Variants in AKT3 observed in about 807,000 individuals in gnomAD.
The protein encoded by AKT3 is AKT serine/threonine kinase 3.
In AKT3, 15 loss-of-function variants were observed where a neutral mutation model predicts 65.3. The ratio of observed to expected loss-of-function variants is 0.23; its 90% CI spans 0.15 to 0.35. The LOEUF is 0.35. Among genes scored for constraint, AKT3 ranks in the 10% least tolerant of loss-of-function variants. The probability of loss-of-function intolerance (pLI) is 1.00; values close to 1 mark genes in which losing one functional copy is unlikely to be tolerated. For missense variants in AKT3, 243 were observed against 576.5 expected, an observed-to-expected ratio of 0.42 and a Z score of 5.92; for synonymous variants, 206 against 183.8, an observed-to-expected ratio of 1.12 and a Z score of -0.98.
intron 12 of AKT3, among the ~76,000 whole-genome samples, chr1:243,516,478 T>C (rs1011022958): frequency 1.6e-4 from 25 of 152,250 alleles, no homozygotes; most frequent in Non-Finnish European, 2.9e-4. Flanking sequence ...ATTTCATTGA[T>C]TGCTATCCCA....
At chr1:243,713,170 C>A (rs973166642) in intron 2 of AKT3, among the ~76,000 whole-genome samples, 1 of 152,174 alleles carries the variant, frequency 6.6e-6, no homozygotes, top group African/African-American at 2.4e-5. Flanking sequence ...TAAGATCACA[C>A]CAAATCACCT....
At chr1:243,615,068 T>C (rs1244605958) in intron 7 of AKT3, 28 bp downstream of exon 7, 1 of 1,464,230 alleles carries the variant, frequency 6.8e-7, no homozygotes, top group Non-Finnish European at 9.4e-7. Flanking sequence ...AATGTTACGA[T>C]TATAACATCT....
intron 3 of AKT3, among the ~76,000 whole-genome samples, chr1:243,687,254 C>A (rs1684389744): frequency 6.6e-6 from 1 of 152,076 alleles, no homozygotes; most frequent in Admixed American, 6.6e-5. Flanking sequence ...ATAAGCCCCC[C>A]CATTCCTTAT....
At chr1:243,764,412 T>C (rs1318469890) in intron 2 of AKT3, among the ~76,000 whole-genome samples, 1 of 152,114 alleles carries the variant, frequency 6.6e-6, no homozygotes, top group Non-Finnish European at 1.5e-5. Flanking sequence ...ACTCATTCAA[T>C]AGTAATCTCA....
Position 243,652,771 on chromosome 1 carries a change from C to CAAAA in AKT3, c.285-6738_285-6735dup, listed in dbSNP as rs371580711. On this transcript the variant is annotated intron_variant, in intron 4 of 13. Coordinates refer to ENST00000673466, the MANE Select transcript of AKT3 (RefSeq NM_005465.7). ...GAATATTTACCAAGCAAATAGAAAGCAAAAAAAAAAAAAAAAAAAAAAGCA... is the reference window on the plus strand; with the variant it reads ...GAATATTTACCAAGCAAATAGAAAGCAAAAAAAAAAAAAAAAAAAAAAAAAAGCA... 2.2e-3 allele frequency among the ~76,000 whole-genome samples: 68 copies of CAAAA among 31,278 alleles called. 2 individuals carry two copies. The highest frequency in any genetic ancestry group is 0.045 in the Middle Eastern group (1 of 22). The allele number at this position is 31,278 out of a possible 152,430, so 20.5% of individuals were successfully genotyped here.
At chr1:243,489,524 A>C (rs1665861985) in intron 13 of AKT3, among the ~76,000 whole-genome samples, 1 of 152,122 alleles carries the variant, frequency 6.6e-6, no homozygotes, top group Admixed American at 6.6e-5. Flanking sequence ...GTATGGTTTG[A>C]ATTGGTTGAG....
chr1:243,847,323 C>A (rs1695562220), intron 1 of AKT3, among the ~76,000 whole-genome samples: 1 of 152,130 alleles, frequency 6.6e-6, no homozygotes, highest in Non-Finnish European at 1.5e-5. Flanking sequence ...ACTATAAAGA[C>A]AAGCTCCTAT....
At chr1:243,641,803 G>A (rs775300326) in intron 5 of AKT3, among the ~76,000 whole-genome samples, 2 of 152,044 alleles carry the variant, frequency 1.3e-5, no homozygotes, top group African/African-American at 2.4e-5. Context: ...AAGTGCAGTG[G>A]CAGGTGTCTG....
At chr1:243,727,072 C>A (rs1289981191) in intron 2 of AKT3, among the ~76,000 whole-genome samples, 1 of 152,128 alleles carries the variant, frequency 6.6e-6, no homozygotes, top group Non-Finnish European at 1.5e-5. Context: ...AGAAAATGAG[C>A]AATTCACACA....
intron 12 of AKT3, among the ~76,000 whole-genome samples, chr1:243,518,632 A>C (rs1558583032): frequency 6.6e-6 from 1 of 152,184 alleles, no homozygotes; most frequent in Non-Finnish European, 1.5e-5. Context: ...CAAACAACAA[A>C]AAAAAACTGC....
intron 2 of AKT3, among the ~76,000 whole-genome samples, chr1:243,766,318 CA>C (rs1210436922): frequency 6.6e-6 from 1 of 151,950 alleles, no homozygotes; most frequent in Non-Finnish European, 1.5e-5. Flanking sequence ...GAGGGTATCC[CA>C]GGGGGAGAAA....
In AKT3 at chr1:243,613,128, TACATATATACATAC is replaced by T. The variant is rs1678016874; in HGVS notation, c.696+529_696+542del. The T allele has an allele frequency of 4.1e-5, 6 of 144,664 alleles. No individual in the cohort carries two copies. The Admixed American group carries it at 4.2e-4, about 10-fold the overall frequency. The allele number at this position is 144,664 out of a possible 1,614,324, so 9.0% of individuals were successfully genotyped here. ...ATATACCCACCCATATATATACATA[TACATATATACATAC>T]ATATATATACACATATACACATATA... On this transcript the variant is annotated intron_variant, in intron 8 of 13. Coordinates refer to ENST00000673466, the MANE Select transcript of AKT3 (RefSeq NM_005465.7).
intron 4 of AKT3, among the ~76,000 whole-genome samples, chr1:243,650,706 T>C (rs1012292857): frequency 6.6e-5 from 10 of 152,136 alleles, no homozygotes; most frequent in African/African-American, 2.4e-4. Flanking sequence ...AAAGATCAGA[T>C]GGTTGTAGAT....
intron 2 of AKT3, among the ~76,000 whole-genome samples, chr1:243,840,041 G>C (rs1180675363): frequency 6.6e-6 from 1 of 151,918 alleles, no homozygotes; most frequent in African/African-American, 2.4e-5. Context: ...AATTAGCCTG[G>C]CATGGTGGCA....
intron 2 of AKT3, among the ~76,000 whole-genome samples, chr1:243,831,257 G>C (rs1219630811): frequency 6.6e-6 from 1 of 152,208 alleles, no homozygotes; most frequent in Non-Finnish European, 1.5e-5. Context: ...ATTAGACACA[G>C]TGCTGTCAAG....
intron 8 of AKT3, among the ~76,000 whole-genome samples, chr1:243,597,823 G>A (rs1177627274): frequency 6.6e-6 from 1 of 152,204 alleles, no homozygotes; most frequent in Non-Finnish European, 1.5e-5. Flanking sequence ...GAGACCATCT[G>A]TCTTGCTCAT....
chr1:243,805,618 C>T (rs372835984), intron 2 of AKT3, among the ~76,000 whole-genome samples: 1 of 152,132 alleles, frequency 6.6e-6, no homozygotes, highest in Non-Finnish European at 1.5e-5. Flanking sequence ...TTGTCAAATC[C>T]AATGGCCCCT....
chr1:243,649,756 TG>T (rs1334969862), intron 4 of AKT3, among the ~76,000 whole-genome samples: 1 of 152,210 alleles, frequency 6.6e-6, no homozygotes, highest in Non-Finnish European at 1.5e-5. Context: ...TCCTTTTTTA[TG>T]GCTGCATAGT....
intron 2 of AKT3, among the ~76,000 whole-genome samples, chr1:243,806,692 T>A (rs975315985): frequency 6.6e-6 from 1 of 152,206 alleles, no homozygotes; most frequent in Non-Finnish European, 1.5e-5. Context: ...TGTGTCTCAT[T>A]GTTAGGAGTT....
Sources: gnomAD v4.1 joint callset for allele counts (sites outside exome capture counted in the v4.1 genomes callset) on GRCh38, gnomAD v4.1.1 for gene constraint, MANE v1.5 for transcripts, NCBI Gene and HGNC (gene_info 2026-07-23, HGNC 2026-07-21) for gene names.